Variants in OPHN1 observed in about 807,000 individuals in gnomAD.
OPHN1 encodes the protein oligophrenin-1.
OPHN1 carries 11 observed loss-of-function variants against 60.7 expected under a neutral mutation model. The ratio of observed to expected loss-of-function variants is 0.18; its 90% CI spans 0.11 to 0.30. OPHN1 has a LOEUF of 0.30. OPHN1 is among the 10% of genes least tolerant of loss of function. The pLI is 1.00. For missense variants in OPHN1, 449 were observed against 611.0 expected (o/e 0.73, Z 2.80); for synonymous variants, 226 against 222.6 (o/e 1.02, Z -0.14).
chrX:68,371,163 C>T (rs2078526020), intron 2 of OPHN1, among the ~76,000 whole-genome samples: 1 of 110,216 alleles, frequency 9.1e-6, no homozygotes, highest in Admixed American at 9.8e-5. Context: ...ACAGTGGTTC[C>T]ATAACATTAT....
chrX:68,386,609 T>G lies in OPHN1; in HGVS notation c.154+46258A>C, dbSNP rs765459450. ...TGCCAGTGGCCTCACTGGGCCAGTA[T>G]CCAAACTCTAGGGTCTAATGTTTCA... On this transcript the variant is annotated intron_variant, in intron 2 of 24. Coordinates refer to ENST00000355520, the MANE Select transcript of OPHN1 (RefSeq NM_002547.3). Among the ~76,000 whole-genome samples, 5 of 112,063 alleles carry G rather than the reference T, an allele frequency of 4.5e-5. No individual in the cohort carries two copies. The South Asian group carries it at 1.9e-3, about 42-fold the overall frequency.
chrX:68,073,054 T>C, intron 20 of OPHN1, 98 bp downstream of exon 20: 1 of 997,595 alleles, frequency 1.0e-6, no homozygotes. Flanking sequence ...GGTCTACTTT[T>C]ATAGAGAGAA....
At chrX:68,245,696 A>G (rs1401792073) in intron 5 of OPHN1, among the ~76,000 whole-genome samples, 1 of 112,605 alleles carries the variant, frequency 8.9e-6, no homozygotes, top group African/African-American at 3.2e-5. Context: ...TACCTTGCAT[A>G]CCACTTGAGT....
intron 5 of OPHN1, among the ~76,000 whole-genome samples, chrX:68,251,698 T>A (rs1229215719): frequency 1.8e-5 from 2 of 111,208 alleles, no homozygotes; most frequent in Non-Finnish European, 3.8e-5. Flanking sequence ...AATGACTTGT[T>A]CAAGGTCATA....
At chrX:68,127,152 G>A (rs1471897393) in intron 15 of OPHN1, among the ~76,000 whole-genome samples, 1 of 111,307 alleles carries the variant, frequency 9.0e-6, no homozygotes, top group East Asian at 2.9e-4. Context: ...TCCATAAAAA[G>A]AGTTATTAGG....
At chrX:68,394,121 T>G (rs2147758490) in intron 2 of OPHN1, among the ~76,000 whole-genome samples, 1 of 109,548 alleles carries the variant, frequency 9.1e-6, no homozygotes, top group Non-Finnish European at 1.9e-5. Context: ...GGTCTCGATC[T>G]CCTGACCTCG....
intron 15 of OPHN1, among the ~76,000 whole-genome samples, chrX:68,154,215 AT>A (rs1163476238): frequency 8.9e-6 from 1 of 112,146 alleles, no homozygotes; most frequent in Non-Finnish European, 1.9e-5. Context: ...GGGCACTATT[AT>A]TTTCCCCTTT....
chrX:68,424,024 G>A (rs1360970911), intron 2 of OPHN1, among the ~76,000 whole-genome samples: 4 of 110,109 alleles, frequency 3.6e-5, no homozygotes, highest in African/African-American at 9.9e-5. Context: ...AAAATTAGCC[G>A]GGCGTGGTGG....
At chrX:68,425,236 G>A (rs1307115585) in intron 2 of OPHN1, among the ~76,000 whole-genome samples, 1 of 111,830 alleles carries the variant, frequency 8.9e-6, no homozygotes, top group Admixed American at 9.6e-5. Context: ...GGATAGTCAA[G>A]TAGGTCAGCA....
intron 5 of OPHN1, among the ~76,000 whole-genome samples, chrX:68,271,654 AAGC>A (rs1415635123): frequency 3.6e-5 from 4 of 111,832 alleles, no homozygotes; most frequent in Non-Finnish European, 7.5e-5. Context: ...GATTACAAAA[AAGC>A]AGGCCAACAG....
intron 5 of OPHN1, among the ~76,000 whole-genome samples, chrX:68,249,414 T>G (rs1229205515): frequency 1.8e-5 from 2 of 111,879 alleles, no homozygotes; most frequent in Admixed American, 9.5e-5. Context: ...CTCCTATAGA[T>G]GAGCAGCTGG....
intron 20 of OPHN1, 151 bp downstream of exon 20, chrX:68,073,001 A>G: frequency 1.6e-6 from 1 of 628,935 alleles, no homozygotes; most frequent in Non-Finnish European, 2.5e-6. Flanking sequence ...CTCTGAGCAC[A>G]AACTACAAAC....
chrX:68,085,175 G>A (rs940259081), intron 19 of OPHN1, among the ~76,000 whole-genome samples: 2 of 112,116 alleles, frequency 1.8e-5, no homozygotes, highest in Non-Finnish European at 3.8e-5. Flanking sequence ...GAGAAATGGA[G>A]CAGATTGTCA....
At chrX:68,186,748 G>A (rs1029927746) in intron 15 of OPHN1, among the ~76,000 whole-genome samples, 1 of 111,586 alleles carries the variant, frequency 9.0e-6, no homozygotes, top group African/African-American at 3.3e-5. Context: ...GGGTTCTGAT[G>A]AGGGACCTTT....
intron 2 of OPHN1, among the ~76,000 whole-genome samples, chrX:68,352,987 AC>A (rs755639108): frequency 3.9e-4 from 43 of 109,401 alleles, no homozygotes; most frequent in Non-Finnish European, 7.0e-4. Flanking sequence ...TCCTATCTCT[AC>A]AAAAATTCAA....
chrX:68,070,713 G>A, intron 20 of OPHN1: 5 of 1,088,432 alleles, frequency 4.6e-6, no homozygotes, highest in Non-Finnish European at 6.4e-6. Flanking sequence ...ATCCATGAGG[G>A]CTTTGGTTCC....
chrX:68,169,752 C>T (rs1217255871), intron 15 of OPHN1, among the ~76,000 whole-genome samples: 1 of 106,762 alleles, frequency 9.4e-6, no homozygotes, highest in Admixed American at 1.0e-4. Flanking sequence ...AACTGGATCC[C>T]TTCCTTACAC....
chrX:68,222,989 T>C (rs1318999963), intron 6 of OPHN1, among the ~76,000 whole-genome samples: 6 of 109,505 alleles, frequency 5.5e-5, no homozygotes, highest in Non-Finnish European at 3.8e-5. Flanking sequence ...AAAACCACAA[T>C]GAGATACCAC....
intron 20 of OPHN1, chrX:68,070,609 T>C (rs879104289): frequency 1.4e-6 from 1 of 694,740 alleles, no homozygotes; most frequent in African/African-American, 2.1e-5. Context: ...ACATGTCTGA[T>C]TTTATCCTCT....
Sources: gnomAD v4.1 joint callset for allele counts (sites outside exome capture counted in the v4.1 genomes callset) on GRCh38, gnomAD v4.1.1 for gene constraint, MANE v1.5 for transcripts, NCBI Gene and HGNC (gene_info 2026-07-23, HGNC 2026-07-21) for gene names.